CDK8: variants seen among roughly 807,000 people sequenced by gnomAD.
CDK8 encodes cyclin dependent kinase 8.
CDK8 carries 29 observed loss-of-function variants against 71.5 expected under a neutral mutation model. That is an observed-to-expected ratio of 0.41 (90% CI 0.30 to 0.55). CDK8 has a LOEUF of 0.55. Among genes scored for constraint, CDK8 ranks in the 20% least tolerant of loss-of-function variants. The probability of loss-of-function intolerance (pLI) is 0.37; values close to 1 mark genes in which losing one functional copy is unlikely to be tolerated. For missense variants in CDK8, 288 were observed against 572.6 expected (o/e 0.50, Z 5.07); for synonymous variants, 161 against 192.1 (o/e 0.84, Z 1.34).
chr13:26,353,676 A>G (rs1229819289), intron 3 of CDK8, 64 bp from the exon 4 acceptor site: 6 of 1,302,206 alleles, frequency 4.6e-6, no homozygotes, highest in Non-Finnish European at 6.4e-6. Flanking sequence ...TTAGGAAAAT[A>G]TTATACATCA....
intron 1 of CDK8, among the ~76,000 whole-genome samples, chr13:26,294,394 G>T (rs1873446437): frequency 6.6e-6 from 1 of 152,202 alleles, no homozygotes; most frequent in Non-Finnish European, 1.5e-5. Context: ...ACATGGGAGT[G>T]CAGGTATCTC....
intron 2 of CDK8, among the ~76,000 whole-genome samples, chr13:26,347,433 A>G (rs1565980925): frequency 6.6e-6 from 1 of 152,174 alleles, no homozygotes; most frequent in African/African-American, 2.4e-5. Flanking sequence ...ATATTTTCTA[A>G]AAAGGATTAC....
Position 26,301,336 on chromosome 13 carries a change from G to A in CDK8, c.129-36231G>A, listed in dbSNP as rs1342069977. On this transcript the variant is annotated intron_variant, in intron 1 of 12. Coordinates refer to ENST00000381527, the MANE Select transcript of CDK8 (RefSeq NM_001260.3). The stretch of plus-strand genomic sequence containing the variant: ...CCAAATTAGCTATGGCCTCATTGTT[G>A]AATAGAGGAGAACTTGGGGATTTCA... Among the ~76,000 whole-genome samples, 7 of 150,322 alleles carry A rather than the reference G, an allele frequency of 4.7e-5. 1 individual carries two copies. The South Asian group carries it at 8.4e-4, about 18-fold the overall frequency.
intron 1 of CDK8, among the ~76,000 whole-genome samples, chr13:26,307,841 T>TA (rs549873278): frequency 6.6e-6 from 1 of 151,994 alleles, no homozygotes; most frequent in Non-Finnish European, 1.5e-5. Flanking sequence ...TTCTGCAACT[T>TA]AAAAAAAAGT....
intron 1 of CDK8, among the ~76,000 whole-genome samples, chr13:26,259,574 A>G (rs1282895928): frequency 6.6e-6 from 1 of 152,076 alleles, no homozygotes; most frequent in Non-Finnish European, 1.5e-5. Context: ...GGATGACTGT[A>G]TTTGCTGTGT....
intron 1 of CDK8, among the ~76,000 whole-genome samples, chr13:26,269,548 GT>G (rs533400717): frequency 0.067 from 9,651 of 143,226 alleles, 383 homozygotes; most frequent in Middle Eastern, 0.13. Flanking sequence ...TCTTTAGATT[GT>G]TTTTTTTTTT....
intron 1 of CDK8, among the ~76,000 whole-genome samples, chr13:26,323,119 T>C (rs1170456706): frequency 6.6e-6 from 1 of 152,158 alleles, no homozygotes; most frequent in African/African-American, 2.4e-5. Flanking sequence ...CATTTTTCAT[T>C]CCTTCATCTC....
chr13:26,316,224 G>A (rs1001918466), intron 1 of CDK8, among the ~76,000 whole-genome samples: 3 of 152,126 alleles, frequency 2.0e-5, no homozygotes, highest in African/African-American at 7.2e-5. Flanking sequence ...GCTGGGCATG[G>A]TTGCACATAC....
chr13:26,394,518 T>G (rs193276850), intron 7 of CDK8, among the ~76,000 whole-genome samples: 4 of 152,332 alleles, frequency 2.6e-5, no homozygotes, highest in Admixed American at 2.0e-4. Flanking sequence ...TTTTGCCCCC[T>G]TGGAGTTTGC....
intron 1 of CDK8, among the ~76,000 whole-genome samples, chr13:26,308,620 T>C (rs1044838801): frequency 3.9e-5 from 6 of 152,270 alleles, no homozygotes; most frequent in African/African-American, 1.4e-4. Flanking sequence ...TTGGTAGATA[T>C]TTGAGTTTGC....
chr13:26,395,687 G>A (rs1196352323), intron 7 of CDK8, among the ~76,000 whole-genome samples: 3 of 152,044 alleles, frequency 2.0e-5, no homozygotes, highest in Admixed American at 6.5e-5. Flanking sequence ...GGGTTGTTTT[G>A]GGTAATGTTA....
chr13:26,383,543 A>G (rs1875331829), intron 5 of CDK8, among the ~76,000 whole-genome samples: 1 of 152,132 alleles, frequency 6.6e-6, no homozygotes, highest in African/African-American at 2.4e-5. Context: ...TGTGTTTGTC[A>G]CATATATTTA....
At chr13:26,291,118 CAAAA>C (rs11448258) in intron 1 of CDK8, among the ~76,000 whole-genome samples, 16 of 139,452 alleles carry the variant, frequency 1.1e-4, no homozygotes, top group Admixed American at 2.9e-4. Context: ...GCCTCCATCT[CAAAA>C]AAAAAAAAAA....
intron 2 of CDK8, among the ~76,000 whole-genome samples, chr13:26,338,520 G>A (rs1396742437): frequency 6.6e-6 from 1 of 152,046 alleles, no homozygotes; most frequent in Non-Finnish European, 1.5e-5. Context: ...GGAGAAGGGT[G>A]TACATCTAAA....
At chr13:26,319,943 C>T (rs56868480) in intron 1 of CDK8, among the ~76,000 whole-genome samples, 6,582 of 152,104 alleles carry the variant, frequency 0.043, 453 homozygotes, top group African/African-American at 0.15. Context: ...GATTTTTTTA[C>T]AAGGATGCTA....
chr13:26,379,776 C>G (rs201361338), intron 4 of CDK8, among the ~76,000 whole-genome samples: 1 of 152,176 alleles, frequency 6.6e-6, no homozygotes, highest in East Asian at 1.9e-4. Context: ...TCTAACTAAT[C>G]AACTTGTACC....
chr13:26,317,346 T>C (rs774830709), intron 1 of CDK8, among the ~76,000 whole-genome samples: 1 of 152,024 alleles, frequency 6.6e-6, no homozygotes, highest in Non-Finnish European at 1.5e-5. Context: ...TAGGGAGAGA[T>C]AGACAGTTCT....
intron 1 of CDK8, among the ~76,000 whole-genome samples, chr13:26,295,012 C>T (rs1156881849): frequency 1.3e-5 from 2 of 152,180 alleles, no homozygotes; most frequent in African/African-American, 2.4e-5. Context: ...TCCCAAAGTG[C>T]TGGGATTACA....
intron 1 of CDK8, among the ~76,000 whole-genome samples, chr13:26,328,328 T>C (rs961177910): frequency 3.3e-5 from 5 of 152,256 alleles, no homozygotes; most frequent in Admixed American, 6.5e-5. Context: ...AGCTGTTTTG[T>C]TTTCCTTAAA....
Sources: gnomAD v4.1 joint callset for allele counts (sites outside exome capture counted in the v4.1 genomes callset) on GRCh38, gnomAD v4.1.1 for gene constraint, MANE v1.5 for transcripts, NCBI Gene and HGNC (gene_info 2026-07-23, HGNC 2026-07-21) for gene names.